RCC2: variants seen among roughly 807,000 people sequenced by gnomAD.
RCC2 encodes protein RCC2.
A neutral mutation model predicts 64.1 loss-of-function variants in RCC2; 19 were observed. The ratio of observed to expected loss-of-function variants is 0.30; its 90% confidence interval spans 0.21 to 0.44. RCC2 has a LOEUF of 0.44. Ranked by LOEUF, RCC2 falls within the 20% of genes least tolerant of loss-of-function variation. The probability of loss-of-function intolerance (pLI) is 1.00; values close to 1 mark genes in which losing one functional copy is unlikely to be tolerated. For missense variants in RCC2, 508 were observed against 710.4 expected, an observed-to-expected ratio of 0.72 and a Z score of 3.24; for synonymous variants, 325 against 279.6, an observed-to-expected ratio of 1.16 and a Z score of -1.62.
intron 2 of RCC2, among the ~76,000 whole-genome samples, chr1:17,431,333 CAAAAAAAAAAAAA>C (rs1168877538): frequency 1.0e-4 from 1 of 9,660 alleles, no homozygotes; most frequent in African/African-American, 3.2e-4. Flanking sequence ...GACTCCATCT[CAAAAAAAAAAAAA>C]AAAAAAAAAA....
chr1:17,414,529 C>CAA lies in RCC2; in HGVS notation c.1027-814_1027-813dup, dbSNP rs58627304. 6.8e-4 allele frequency among the ~76,000 whole-genome samples: 24 copies of CAA among 35,210 alleles called. No homozygotes were observed. The South Asian group carries it at 0.01, about 15-fold the overall frequency. The allele number at this position is 35,210 out of a possible 152,430, so 23.1% of individuals were successfully genotyped here. ...TGGGTGACGGAATGAGACTCCATCT[C>CAA]AAAAAAAAAAAACAAAACGAAACAA... On this transcript the variant is annotated intron_variant, in intron 8 of 12. Transcript: ENST00000375436.
At chr1:17,416,395 C>A in intron 8 of RCC2, 85 bp downstream of exon 8, 1 of 1,463,812 alleles carries the variant, frequency 6.8e-7, no homozygotes, top group Non-Finnish European at 9.3e-7. Context: ...AGTTCCTAGC[C>A]AAAGCCAAGC....
chr1:17,428,374 A>T (rs1409987117), intron 3 of RCC2, among the ~76,000 whole-genome samples: 1 of 152,234 alleles, frequency 6.6e-6, no homozygotes, highest in Non-Finnish European at 1.5e-5. Context: ...TTTCTAATTC[A>T]GCTGGCCCCC....
Sources: allele counts gnomAD v4.1 joint callset (sites outside exome capture counted in the v4.1 genomes callset), GRCh38; gene constraint gnomAD v4.1.1; transcripts MANE v1.5; gene names NCBI Gene and HGNC (gene_info 2026-07-23, HGNC 2026-07-21).